ACSS3: variants seen among roughly 807,000 people sequenced by gnomAD.
ACSS3 encodes the protein acyl-CoA synthetase short chain family member 3.
Under a neutral mutation model 84.2 loss-of-function variants are expected in ACSS3, and 64 were observed. That is an observed-to-expected ratio of 0.76 (90% confidence interval 0.62 to 0.94). The LOEUF (loss-of-function observed/expected upper bound fraction) is 0.94. ACSS3 is among the 40% of genes least tolerant of loss of function. The pLI is 0.00. For synonymous variants in ACSS3, 317 were observed against 310.1 expected (o/e 1.02, Z -0.23); for missense variants, 815 against 867.6 (o/e 0.94, Z 0.76).
intron 1 of ACSS3, among the ~76,000 whole-genome samples, chr12:81,096,949 A>G (rs1882106626): frequency 6.6e-6 from 1 of 152,148 alleles, no homozygotes; most frequent in South Asian, 2.1e-4. Context: ...ATGTGTCTTT[A>G]TGGTAGAAAT....
chr12:81,166,821 C>T (rs892345999), intron 7 of ACSS3, among the ~76,000 whole-genome samples: 2 of 152,196 alleles, frequency 1.3e-5, no homozygotes, highest in Admixed American at 1.3e-4. Flanking sequence ...CAGGTTGAAT[C>T]GTAGTATGCA....
At chr12:81,137,357 A>G (rs1400913991) in intron 3 of ACSS3, among the ~76,000 whole-genome samples, 3 of 135,648 alleles carry the variant, frequency 2.2e-5, no homozygotes, top group African/African-American at 8.0e-5. Context: ...ACACACACAC[A>G]CACACACCCC....
At chr12:81,195,784 T>C (rs927669697) in intron 8 of ACSS3, among the ~76,000 whole-genome samples, 1 of 152,076 alleles carries the variant, frequency 6.6e-6, no homozygotes, top group South Asian at 2.1e-4. Context: ...TAGGTTATGC[T>C]CTTATCTGAA....
chr12:81,145,067 A>ATTTTTTTTTTTTTT (rs35753293), intron 5 of ACSS3, among the ~76,000 whole-genome samples: 59 of 100,868 alleles, frequency 5.8e-4, no homozygotes, highest in Non-Finnish European at 8.1e-4. Flanking sequence ...CGCCTGGCTA[A>ATTTTTTTTTTTTTT]TTTTTTTTTT....
At chr12:81,226,964 TACACAC>T (rs34439721) in intron 11 of ACSS3, among the ~76,000 whole-genome samples, 50 of 149,022 alleles carry the variant, frequency 3.4e-4, no homozygotes, top group African/African-American at 7.6e-4. Context: ...CAATAGGATT[TACACAC>T]ACACACACAC....
intron 2 of ACSS3, among the ~76,000 whole-genome samples, chr12:81,126,117 G>A (rs2574743): frequency 0.91 from 139,187 of 152,240 alleles, 64,119 homozygotes; most frequent in Middle Eastern, 0.98. Flanking sequence ...GTTTCTTCAT[G>A]CCTTTCCAGT....
chr12:81,186,949 A>G (rs1308781414), intron 8 of ACSS3, among the ~76,000 whole-genome samples: 2 of 151,866 alleles, frequency 1.3e-5, no homozygotes, highest in Non-Finnish European at 2.9e-5. Context: ...AAAGGGATAG[A>G]AACAACCTGT....
intron 13 of ACSS3, among the ~76,000 whole-genome samples, chr12:81,247,355 G>A (rs889225489): frequency 2.6e-5 from 4 of 152,044 alleles, no homozygotes; most frequent in Admixed American, 1.3e-4. Context: ...AATGAAAAGA[G>A]GAGTATCAAC....
At chr12:81,078,453 C>T in intron 1 of ACSS3, 22 bp downstream of exon 1, 19 of 1,609,694 alleles carry the variant, frequency 1.2e-5, no homozygotes, top group Non-Finnish European at 1.6e-5. Context: ...CTGTGCCAAC[C>T]CTGATCCCCC....
intron 7 of ACSS3, among the ~76,000 whole-genome samples, chr12:81,173,908 T>C (rs1476824547): frequency 6.6e-6 from 1 of 151,124 alleles, no homozygotes; most frequent in Non-Finnish European, 1.5e-5. Context: ...CCTGTTGCCA[T>C]TTGTTTGCCT....
chr12:81,213,608 TCC>T lies in ACSS3; in HGVS notation c.1355-3290_1355-3289del, dbSNP rs1191623674. Among the ~76,000 whole-genome samples the T allele has an allele frequency of 4.6e-3, 45 of 9,710 alleles. 3 individuals carry two copies. Among genetic ancestry groups the T allele is most frequent in the Non-Finnish European group, 6.1e-3 (31 of 5,116 alleles). 6.4% of individuals were successfully genotyped at this position (9,710 alleles called of 152,430 possible). On this transcript the variant is annotated intron_variant, in intron 9 of 15. Transcript: ENST00000548058. ...TCCCCTCCCCTCCCCTCCCCTCCCC[TCC>T]CCTCCCCTCCTCCCCTCTCCTCACC... is the stretch of plus-strand genomic sequence containing the variant.
At chr12:81,081,514 A>G (rs1880975829) in intron 1 of ACSS3, among the ~76,000 whole-genome samples, 1 of 152,186 alleles carries the variant, frequency 6.6e-6, no homozygotes, top group Admixed American at 6.5e-5. Flanking sequence ...TCCTGGAACA[A>G]CAAAGTGGAA....
chr12:81,242,802 T>G (rs1205746739), intron 13 of ACSS3, among the ~76,000 whole-genome samples: 1 of 150,866 alleles, frequency 6.6e-6, no homozygotes, highest in African/African-American at 2.4e-5. Context: ...TCAACAAAAT[T>G]CAACAACCCT....
At chr12:81,119,032 G>A (rs1884317388) in intron 2 of ACSS3, among the ~76,000 whole-genome samples, 1 of 152,128 alleles carries the variant, frequency 6.6e-6, no homozygotes, top group South Asian at 2.1e-4. Context: ...ATTTCCCTAA[G>A]TGTCGGCCGA....
chr12:81,159,881 T>G lies in ACSS3; in HGVS notation c.1098+7785T>G, dbSNP rs1887065602. Among the ~76,000 whole-genome samples the G allele has an allele frequency of 2.6e-5, 4 of 152,246 alleles. No individual in the cohort carries two copies. The South Asian group carries it at 8.3e-4, about 31-fold the overall frequency. Reference sequence around the variant, plus strand: ...TTCTTCCCTTTACCAGACTGTCATCTGCAGAATCAAAATCCAACACATTTC... The same window carrying G: ...TTCTTCCCTTTACCAGACTGTCATCGGCAGAATCAAAATCCAACACATTTC... On this transcript the variant is annotated intron_variant, in intron 7 of 15. Coordinates refer to ENST00000548058, the MANE Select transcript of ACSS3 (RefSeq NM_024560.4).
At chr12:81,152,631 A>G (rs1180950252) in intron 7 of ACSS3, among the ~76,000 whole-genome samples, 1 of 152,202 alleles carries the variant, frequency 6.6e-6, no homozygotes, top group Admixed American at 6.5e-5. Flanking sequence ...TTCTTTGCAT[A>G]TAGGAAATTT....
chr12:81,152,006 G>A lies in ACSS3; in HGVS notation c.1008G>A (p.Trp336Ter), dbSNP rs1202904176. ...SIYGLQPGEVWWAASDLGWVV... is the reference protein window; with the variant it reads ...SIYGLQPGEV ...TTTATTATCTTATTTTTTAGGTGTG[G>A]TGGGCAGCTTCTGACTTAGGCTGGG... The change falls in exon 7 of 16, where the codon TGG becomes TGA. Residue 336 changes from tryptophan to a stop codon, truncating the protein, a stop_gained. Transcript: ENST00000548058. LOFTEE classifies it high-confidence loss of function. The A allele has an allele frequency of 1.2e-6, 2 of 1,613,318 alleles. No individual in the cohort carries two copies. Among genetic ancestry groups the A allele is most frequent in the Non-Finnish European group, 1.7e-6 (2 of 1,179,698 alleles).
intron 7 of ACSS3, 111 bp downstream of exon 7, chr12:81,152,207 A>G (rs1565693551): frequency 4.3e-6 from 3 of 700,206 alleles, no homozygotes; most frequent in Non-Finnish European, 6.9e-6. Context: ...AGGGGACATT[A>G]TTATATCTTC....
intron 11 of ACSS3, among the ~76,000 whole-genome samples, chr12:81,222,886 T>G (rs1375108010): frequency 6.6e-6 from 1 of 152,092 alleles, no homozygotes; most frequent in Non-Finnish European, 1.5e-5. Flanking sequence ...GAGAACTTCA[T>G]GTCCACATGA....
Sources: gnomAD v4.1 joint callset for allele counts (sites outside exome capture counted in the v4.1 genomes callset) on GRCh38, gnomAD v4.1.1 for gene constraint, MANE v1.5 for transcripts, NCBI Gene and HGNC (gene_info 2026-07-23, HGNC 2026-07-21) for gene names.